FGF12: variants seen among roughly 807,000 people sequenced by gnomAD.
FGF12 encodes fibroblast growth factor 12, also known as fibroblast growth factor 12B.
Under a neutral mutation model 23.6 loss-of-function variants are expected in FGF12, and 14 were observed. The ratio of observed to expected loss-of-function variants is 0.59; its 90% CI spans 0.39 to 0.93. The LOEUF is 0.93. Among genes scored for constraint, FGF12 ranks in the 40% least tolerant of loss-of-function variants. The probability of loss-of-function intolerance (pLI) is 0.00; values close to 1 mark genes in which losing one functional copy is unlikely to be tolerated. For synonymous variants in FGF12, 62 were observed against 77.3 expected, an observed-to-expected ratio of 0.80 and a Z score of 1.04; for missense variants, 175 against 217.8, an observed-to-expected ratio of 0.80 and a Z score of 1.24.
At chr3:192,536,488 C>T (rs998247149) in intron 2 of FGF12, among the ~76,000 whole-genome samples, 3 of 152,074 alleles carry the variant, frequency 2.0e-5, no homozygotes, top group African/African-American at 7.2e-5. Context: ...GAAAGCCTAT[C>T]AAGTTGTCAA....
At chr3:192,690,423 T>C (rs1361876183) in intron 2 of FGF12, among the ~76,000 whole-genome samples, 1 of 151,784 alleles carries the variant, frequency 6.6e-6, no homozygotes, top group African/African-American at 2.4e-5. Flanking sequence ...TGTGGGGAAA[T>C]GGTAAAACCA....
intron 2 of FGF12, among the ~76,000 whole-genome samples, chr3:192,593,648 A>G (rs1713719495): frequency 1.3e-5 from 2 of 151,986 alleles, no homozygotes; most frequent in Non-Finnish European, 2.9e-5. Flanking sequence ...TTGGAACTAA[A>G]CAAACAAACG....
chr3:192,576,382 C>T (rs540959052), intron 2 of FGF12, among the ~76,000 whole-genome samples: 71 of 152,232 alleles, frequency 4.7e-4, no homozygotes, highest in African/African-American at 9.6e-4. Flanking sequence ...CCAAATACCA[C>T]GCAAGCTAGT....
At chr3:192,493,801 T>G (rs1723870355) in intron 2 of FGF12, among the ~76,000 whole-genome samples, 2 of 152,110 alleles carry the variant, frequency 1.3e-5, no homozygotes, top group Admixed American at 1.3e-4. Flanking sequence ...GGGATGGTGT[T>G]CAATCAGGAA....
At chr3:192,703,362 T>C (rs1718364058) in intron 2 of FGF12, among the ~76,000 whole-genome samples, 2 of 152,230 alleles carry the variant, frequency 1.3e-5, no homozygotes, top group Admixed American at 1.3e-4. Context: ...AAACACATCA[T>C]TGCTAAAAAA....
chr3:192,205,720 T>G (rs979378380), intron 4 of FGF12, among the ~76,000 whole-genome samples: 2 of 152,114 alleles, frequency 1.3e-5, no homozygotes, highest in African/African-American at 2.4e-5. Context: ...CCACTTCTGA[T>G]GAAGAGATTT....
intron 4 of FGF12, among the ~76,000 whole-genome samples, chr3:192,271,381 G>A (rs1183154569): frequency 6.6e-6 from 1 of 152,162 alleles, no homozygotes; most frequent in Non-Finnish European, 1.5e-5. Context: ...CAGAACTATT[G>A]TGAATCTGAT....
intron 2 of FGF12, among the ~76,000 whole-genome samples, chr3:192,546,694 C>G (rs9812731): frequency 0.25 from 32,287 of 130,044 alleles, 3,746 homozygotes; most frequent in Middle Eastern, 0.5. Flanking sequence ...ACTCAATAGA[C>G]TTTTATTGAC....
chr3:192,195,578 T>C (rs368054016), intron 4 of FGF12, among the ~76,000 whole-genome samples: 4 of 152,220 alleles, frequency 2.6e-5, no homozygotes, highest in African/African-American at 9.6e-5. Flanking sequence ...TAGTAAGCTA[T>C]ACCGTCTAGT....
At chr3:192,191,930 A>G (rs1327787912) in intron 4 of FGF12, among the ~76,000 whole-genome samples, 1 of 152,216 alleles carries the variant, frequency 6.6e-6, no homozygotes, top group Non-Finnish European at 1.5e-5. Context: ...AAGGTTCCCC[A>G]GAAAATAAGA....
intron 2 of FGF12, among the ~76,000 whole-genome samples, chr3:192,624,399 C>T (rs1472053746): frequency 6.6e-6 from 1 of 151,908 alleles, no homozygotes; most frequent in East Asian, 1.9e-4. Context: ...AAAATCCTTC[C>T]AATACCAGCG....
At chr3:192,475,771 G>A (rs1723299243) in intron 2 of FGF12, among the ~76,000 whole-genome samples, 1 of 152,072 alleles carries the variant, frequency 6.6e-6, no homozygotes, top group South Asian at 2.1e-4. Context: ...AAATTCACAG[G>A]GACCGAACAC....
At chr3:192,240,293 C>T (rs1386114110) in intron 4 of FGF12, among the ~76,000 whole-genome samples, 5 of 152,108 alleles carry the variant, frequency 3.3e-5, no homozygotes. Context: ...CAATAATTGC[C>T]ATTCAAGAAA....
chr3:192,423,145 T>C (rs1174258943), intron 2 of FGF12, among the ~76,000 whole-genome samples: 5 of 152,184 alleles, frequency 3.3e-5, no homozygotes, highest in Non-Finnish European at 5.9e-5. Flanking sequence ...ATCCTGCTTC[T>C]GAAGCAGAAT....
intron 4 of FGF12, among the ~76,000 whole-genome samples, chr3:192,221,562 T>A (rs183945842): frequency 6.6e-6 from 1 of 152,284 alleles, no homozygotes; most frequent in Non-Finnish European, 1.5e-5. Flanking sequence ...AATAACCAAC[T>A]GCTTGGACCT....
At chr3:192,444,334 C>A (rs1255142580) in intron 2 of FGF12, among the ~76,000 whole-genome samples, 2 of 152,168 alleles carry the variant, frequency 1.3e-5, no homozygotes, top group Non-Finnish European at 2.9e-5. Flanking sequence ...CTCTTCACAC[C>A]TTCCAACATT....
chr3:192,509,311 C>A (rs1316547575), intron 2 of FGF12, among the ~76,000 whole-genome samples: 1 of 152,188 alleles, frequency 6.6e-6, no homozygotes, highest in Non-Finnish European at 1.5e-5. Flanking sequence ...TTGAGCCTAT[C>A]CTTTCACCAT....
chr3:192,569,422 T>G (rs1344446937), intron 2 of FGF12, among the ~76,000 whole-genome samples: 1 of 152,250 alleles, frequency 6.6e-6, no homozygotes, highest in Non-Finnish European at 1.5e-5. Context: ...CTCGTATTCC[T>G]ATGTTTTCAC....
At chr3:192,432,513 A>T (rs965771318) in intron 2 of FGF12, among the ~76,000 whole-genome samples, 7 of 151,450 alleles carry the variant, frequency 4.6e-5, no homozygotes, top group South Asian at 2.1e-4. Flanking sequence ...GATCAGAGAG[A>T]GAGTCCTAAT....
Sources: gnomAD v4.1 joint callset for allele counts (sites outside exome capture counted in the v4.1 genomes callset) on GRCh38, gnomAD v4.1.1 for gene constraint, MANE v1.5 for transcripts, NCBI Gene and HGNC (gene_info 2026-07-23, HGNC 2026-07-21) for gene names.